The following FOXP2 variants were observed in gnomAD, a reference collection of about 807,000 sequenced individuals.
The protein encoded by FOXP2 is forkhead box P2.
FOXP2 carries 12 observed loss-of-function variants against 115.8 expected under a neutral mutation model. The ratio of observed to expected loss-of-function variants is 0.10; its 90% CI spans 0.07 to 0.17. The LOEUF is 0.17. Ranked by LOEUF, FOXP2 falls within the 10% of genes least tolerant of loss-of-function variation. The pLI, the probability that FOXP2 is intolerant of heterozygous loss-of-function variation, is 1.00. For synonymous variants in FOXP2, 328 were observed against 297.7 expected (o/e 1.10, Z -1.05); for missense variants, 629 against 843.5 (o/e 0.75, Z 3.15).
chr7:114,520,518 C>T (rs1219601340), intron 2 of FOXP2, among the ~76,000 whole-genome samples: 2 of 151,896 alleles, frequency 1.3e-5, no homozygotes, highest in Admixed American at 6.6e-5. Flanking sequence ...CAAAAAGTTA[C>T]ATTAATAAAT....
At chr7:114,616,238 C>T (rs191248242) in intron 3 of FOXP2, among the ~76,000 whole-genome samples, 6 of 151,812 alleles carry the variant, frequency 4.0e-5, no homozygotes, top group Admixed American at 3.9e-4. Flanking sequence ...TCTTGGCTCA[C>T]TGCAACCTCC....
At chr7:114,089,926 A>C (rs1293679710) in intron 1 of FOXP2, among the ~76,000 whole-genome samples, 1 of 152,016 alleles carries the variant, frequency 6.6e-6, no homozygotes, top group African/African-American at 2.4e-5. Context: ...AGAGCATGTA[A>C]CAGTATAGTG....
At chr7:114,652,155 A>G (rs2129337800) in intron 8 of FOXP2, 48 bp from the exon 9 acceptor site, 3 of 1,568,718 alleles carry the variant, frequency 1.9e-6, no homozygotes, top group Non-Finnish European at 2.6e-6. Flanking sequence ...CTATGCCACT[A>G]AGATCGACAT....
intron 1 of FOXP2, among the ~76,000 whole-genome samples, chr7:114,150,478 T>C (rs1792502185): frequency 6.6e-6 from 1 of 152,020 alleles, no homozygotes; most frequent in Non-Finnish European, 1.5e-5. Flanking sequence ...ATAGTAACAA[T>C]ATATACTCTT....
intron 2 of FOXP2, among the ~76,000 whole-genome samples, chr7:114,290,427 C>T (rs1410466017): frequency 6.6e-6 from 1 of 151,994 alleles, no homozygotes; most frequent in Admixed American, 6.6e-5. Context: ...GACTATTAAG[C>T]TCAAATGAAA....
chr7:114,088,253 G>A (rs1259585926), intron 1 of FOXP2: 1 of 152,416 alleles, frequency 6.6e-6, no homozygotes, highest in Non-Finnish European at 1.5e-5. Context: ...GCCATGCAAG[G>A]TGCGCTAGGT....
intron 2 of FOXP2, among the ~76,000 whole-genome samples, chr7:114,493,105 C>T (rs527430230): frequency 2.0e-5 from 3 of 152,226 alleles, no homozygotes; most frequent in South Asian, 4.2e-4. Context: ...GTATTGGGTG[C>T]GTATACATTT....
At chr7:114,486,478 C>T (rs547761754) in intron 2 of FOXP2, among the ~76,000 whole-genome samples, 58 of 152,170 alleles carry the variant, frequency 3.8e-4, no homozygotes, top group Non-Finnish European at 2.1e-4. Flanking sequence ...CCACCCCTGG[C>T]CCCTCCCAAA....
At chr7:114,613,043 G>A (rs569539782) in intron 3 of FOXP2, among the ~76,000 whole-genome samples, 1 of 152,220 alleles carries the variant, frequency 6.6e-6, no homozygotes, top group South Asian at 2.1e-4. Context: ...CTTAAATCTG[G>A]TGAGAAGTAT....
intron 1 of FOXP2, among the ~76,000 whole-genome samples, chr7:114,203,987 A>C (rs1794140279): frequency 6.6e-6 from 1 of 152,110 alleles, no homozygotes; most frequent in Non-Finnish European, 1.5e-5. Flanking sequence ...CATGTTTTTA[A>C]AAAAATCCAC....
chr7:114,144,546 ATCT>A lies in FOXP2; in HGVS notation c.-246-18394_-246-18392del, dbSNP rs1416114157. On this transcript the variant is annotated intron_variant, in intron 1 of 19. Coordinates refer to the FOXP2 transcript ENST00000635638. ...TTTGTCACAAATTTTCTGATAGTAG[ATCT>A]TCTAACCATGTTGAGTATTATTTTC... is the stretch of plus-strand genomic sequence containing the variant. 5.3e-5 allele frequency among the ~76,000 whole-genome samples: 8 copies of A among 152,248 alleles called. No individual in the cohort carries two copies. The South Asian group carries it at 1.7e-3, about 32-fold the overall frequency.
chr7:114,634,424 G>A (rs1292583038), intron 6 of FOXP2, among the ~76,000 whole-genome samples: 1 of 151,818 alleles, frequency 6.6e-6, no homozygotes, highest in African/African-American at 2.4e-5. Context: ...AAAATTATAA[G>A]AATTTTGGTA....
chr7:114,593,769 G>T (rs2129309482), intron 3 of FOXP2, among the ~76,000 whole-genome samples: 1 of 152,016 alleles, frequency 6.6e-6, no homozygotes, highest in Admixed American at 6.6e-5. Context: ...AATTTTATAA[G>T]AACTTAACTG....
In FOXP2 at chr7:114,631,766, C is replaced by T. The variant is rs1055725135; in HGVS notation, c.775+61C>T. Reference sequence around the variant, plus strand: ...TCTTGTACTTTCTACCATTTCATGGCCTTTCTGCCTTATACCTTGAGAAAT... The same window carrying T: ...TCTTGTACTTTCTACCATTTCATGGTCTTTCTGCCTTATACCTTGAGAAAT... On this transcript the variant is annotated intron_variant, in intron 6 of 16. Coordinates refer to ENST00000350908, the MANE Select transcript of FOXP2 (RefSeq NM_014491.4). 7 of 1,551,646 alleles carry T rather than the reference C, an allele frequency of 4.5e-6. No individual in the cohort carries two copies. In the African/African-American group the frequency reaches 6.8e-5, roughly 15 times the overall value.
At chr7:114,180,143 A>T (rs115454502) in intron 1 of FOXP2, among the ~76,000 whole-genome samples, 43 of 152,066 alleles carry the variant, frequency 2.8e-4, no homozygotes, top group African/African-American at 1.0e-3. Flanking sequence ...ATATAATTGC[A>T]TGTGTTTAGA....
At chr7:114,409,157 G>A (rs1321656850) in intron 2 of FOXP2, among the ~76,000 whole-genome samples, 1 of 151,860 alleles carries the variant, frequency 6.6e-6, no homozygotes, top group Non-Finnish European at 1.5e-5. Context: ...AGTCTTTTTG[G>A]CAAATAATAT....
At chr7:114,678,599 G>T (rs1247533489) in intron 16 of FOXP2, among the ~76,000 whole-genome samples, 1 of 87,220 alleles carries the variant, frequency 1.1e-5, no homozygotes, top group Non-Finnish European at 2.1e-5. Context: ...AACACTTTAT[G>T]CCCCTTCCTT....
intron 1 of FOXP2, among the ~76,000 whole-genome samples, chr7:114,269,776 G>A (rs1171757175): frequency 1.3e-5 from 2 of 152,052 alleles, no homozygotes; most frequent in African/African-American, 4.8e-5. Context: ...TCAGAATTAT[G>A]TTCCTCCACA....
At chr7:114,224,978 C>A (rs1228802294) in intron 1 of FOXP2, among the ~76,000 whole-genome samples, 1 of 152,184 alleles carries the variant, frequency 6.6e-6, no homozygotes, top group Admixed American at 6.5e-5. Flanking sequence ...TCCTGCCCAT[C>A]CCCCTTACTT....
Sources: gnomAD v4.1 joint callset for allele counts (sites outside exome capture counted in the v4.1 genomes callset) on GRCh38, gnomAD v4.1.1 for gene constraint, MANE v1.5 for transcripts, NCBI Gene and HGNC (gene_info 2026-07-23, HGNC 2026-07-21) for gene names.